The following PPP4R2 variants were observed in gnomAD, a reference collection of about 807,000 sequenced individuals.
PPP4R2 encodes the protein protein phosphatase 4 regulatory subunit 2.
A neutral mutation model predicts 47.2 loss-of-function variants in PPP4R2; 13 were observed. The ratio of observed to expected loss-of-function variants is 0.28; its 90% CI spans 0.18 to 0.44. The LOEUF is 0.44. Ranked by LOEUF, PPP4R2 falls within the 20% of genes least tolerant of loss-of-function variation. PPP4R2 has a pLI of 1.00. For missense variants in PPP4R2, 421 were observed against 491.2 expected (o/e 0.86, Z 1.35); for synonymous variants, 151 against 163.3 (o/e 0.92, Z 0.57).
At chr3:73,022,935 T>C (rs1458621100) in intron 2 of PPP4R2, among the ~76,000 whole-genome samples, 4 of 152,078 alleles carry the variant, frequency 2.6e-5, no homozygotes, top group African/African-American at 9.7e-5. Context: ...TCAGTGTAAA[T>C]AGGCTGATTT....
In PPP4R2 at chr3:73,062,895, A is replaced by C. The variant is rs748111324; in HGVS notation, c.420-778A>C. 104 of 1,611,160 alleles carry C rather than the reference A, an allele frequency of 6.5e-5. 1 individual carries two copies. In the South Asian group the frequency reaches 8.3e-4, roughly 13 times the overall value. On this transcript the variant is annotated intron_variant, in intron 5 of 8. Transcript: ENST00000356692. ...CCCTCTACACAAGCTACGCAAGTCAAGTTAGTTGCCAAGAAAGCACAGATG... is the reference window on the plus strand; with the variant it reads ...CCCTCTACACAAGCTACGCAAGTCACGTTAGTTGCCAAGAAAGCACAGATG...
chr3:73,035,571 G>T, intron 2 of PPP4R2, among the ~76,000 whole-genome samples: 1 of 152,128 alleles, frequency 6.6e-6, no homozygotes, highest in East Asian at 1.9e-4. Flanking sequence ...CCCCACTGCT[G>T]GATAAATGTC....
At chr3:73,052,065 A>G (rs1702625228) in intron 3 of PPP4R2, among the ~76,000 whole-genome samples, 1 of 152,190 alleles carries the variant, frequency 6.6e-6, no homozygotes, top group South Asian at 2.1e-4. Flanking sequence ...TGAATATAGT[A>G]GGTTCTTAAA....
intron 1 of PPP4R2, chr3:72,997,392 CTT>C (rs1489726535): frequency 7.5e-6 from 2 of 267,234 alleles, no homozygotes; most frequent in African/African-American, 4.4e-5. Flanking sequence ...CAGATATCCT[CTT>C]TTCTCCACCA....
chr3:73,012,751 A>G (rs939948899), intron 2 of PPP4R2, among the ~76,000 whole-genome samples: 2 of 152,176 alleles, frequency 1.3e-5, no homozygotes, highest in Non-Finnish European at 2.9e-5. Context: ...ACTGTTGTCT[A>G]TGGTGATTTC....
At position 73,016,729 on chromosome 3, in the gene PPP4R2, G is replaced by GT. The variant is rs752008242; in HGVS notation, c.116+18574dup. Among the ~76,000 whole-genome samples the GT allele has an allele frequency of 1.3e-4, 9 of 69,814 alleles. 4 individuals are homozygous for GT. Among genetic ancestry groups the GT allele is most frequent in the African/African-American group, 2.7e-4 (4 of 14,736 alleles). 45.8% of individuals were successfully genotyped at this position (69,814 alleles called of 152,430 possible). A position where few individuals can be genotyped will look rare whatever the true frequency, so the allele number is the denominator to read the frequency against. On this transcript the variant is annotated intron_variant, in intron 2 of 8. Coordinates refer to ENST00000356692, the MANE Select transcript of PPP4R2 (RefSeq NM_174907.4). ...TGTTAACTAGCTTTATTGGTTCATT[G>GT]TTTATTTTTATTATTTTTTTTTTTT...
chr3:73,057,333 G>A (rs761655786), intron 3 of PPP4R2, among the ~76,000 whole-genome samples: 3 of 152,064 alleles, frequency 2.0e-5, no homozygotes, highest in Non-Finnish European at 4.4e-5. Context: ...ACTTAGTAAC[G>A]CTGTTGGTGT....
At position 72,996,838 on chromosome 3, in the gene PPP4R2, G is replaced by T; in HGVS notation, c.-200G>T. On this transcript the variant is annotated 5_prime_UTR_variant, in exon 1 of 9. It removes the in-frame stop codon of an upstream open reading frame in the 5' UTR. Transcript: ENST00000356692. ...GCGCCATGTTGGAGGGTTGGTGGTA[G>T]CGGCTTGGGGAGGTGCTCGCTCTGT... The T allele has an allele frequency of 5.0e-6, 2 of 397,072 alleles. No individual in the cohort carries two copies. Among genetic ancestry groups the T allele is most frequent in the Non-Finnish European group, 9.0e-6 (2 of 223,218 alleles). 24.6% of individuals were successfully genotyped at this position (397,072 alleles called of 1,614,324 possible). A position where few individuals can be genotyped will look rare whatever the true frequency, so the allele number is the denominator to read the frequency against.
chr3:73,042,097 TAA>T (rs1434266467), intron 2 of PPP4R2, among the ~76,000 whole-genome samples: 2 of 152,208 alleles, frequency 1.3e-5, no homozygotes, highest in African/African-American at 4.8e-5. Context: ...ATTATTGAGT[TAA>T]TTTCAGTAAA....
chr3:73,027,258 C>T (rs916516213), intron 2 of PPP4R2, among the ~76,000 whole-genome samples: 1 of 152,200 alleles, frequency 6.6e-6, no homozygotes, highest in South Asian at 2.1e-4. Flanking sequence ...TCCCAAGTAG[C>T]TGGGACTACA....
intron 2 of PPP4R2, among the ~76,000 whole-genome samples, chr3:73,011,764 C>T (rs990098681): frequency 1.4e-5 from 2 of 147,810 alleles, no homozygotes; most frequent in Non-Finnish European, 3.0e-5. Context: ...GGTGATGAGA[C>T]TGATACGTGT....
chr3:73,027,064 C>T (rs1339384137), intron 2 of PPP4R2, among the ~76,000 whole-genome samples: 5 of 152,184 alleles, frequency 3.3e-5, no homozygotes, highest in African/African-American at 1.2e-4. Context: ...CAGTACCTGG[C>T]ATTTGTGATT....
chr3:73,010,350 C>T (rs1033120824), intron 2 of PPP4R2, among the ~76,000 whole-genome samples: 7 of 151,784 alleles, frequency 4.6e-5, no homozygotes, highest in African/African-American at 7.3e-5. Context: ...AGCCCCCGCC[C>T]GCAGTAGCTG....
rs773449704 is a variant in PPP4R2 at position 72,998,072 on chromosome 3, T to C, written c.35-5T>C. The C allele has an allele frequency of 1.3e-6, 2 of 1,596,534 alleles. No homozygotes were observed. Among genetic ancestry groups the C allele is most frequent in the Non-Finnish European group, 1.7e-6 (2 of 1,170,002 alleles). On this transcript the variant is annotated splice_region_variant and splice_polypyrimidine_tract_variant and intron_variant, in intron 1 of 8. Coordinates refer to ENST00000356692, the MANE Select transcript of PPP4R2 (RefSeq NM_174907.4). ...GATAACGTTTTTTTTTCTTCCTTCA[T>C]CTAGATTTTGAGAAGAGGGGGAAAA...
At position 73,048,821 on chromosome 3, in the gene PPP4R2, A is replaced by G. The variant is rs541640391; in HGVS notation, c.287+1465A>G. On this transcript the variant is annotated intron_variant, in intron 3 of 8. Coordinates refer to ENST00000356692, the MANE Select transcript of PPP4R2 (RefSeq NM_174907.4). ...GAAATAAGATAGTGTAATCCAGTTA[A>G]CGGTTTGCTTTATATCATATTCCAC... is the stretch of plus-strand genomic sequence containing the variant. 2.6e-5 allele frequency among the ~76,000 whole-genome samples: 4 copies of G among 152,284 alleles called. No individual in the cohort carries two copies. In the South Asian group the frequency reaches 8.3e-4, roughly 32 times the overall value.
intron 2 of PPP4R2, among the ~76,000 whole-genome samples, chr3:73,034,161 C>T (rs984957925): frequency 6.6e-6 from 1 of 152,086 alleles, no homozygotes; most frequent in African/African-American, 2.4e-5. Flanking sequence ...TCTTTTTAAA[C>T]TGGTCATTTA....
intron 2 of PPP4R2, among the ~76,000 whole-genome samples, chr3:73,012,802 A>T (rs763485388): frequency 2.0e-5 from 3 of 151,786 alleles, no homozygotes; most frequent in African/African-American, 7.3e-5. Flanking sequence ...TGTTTCAAAG[A>T]GATTTGTTAA....
intron 2 of PPP4R2, among the ~76,000 whole-genome samples, chr3:73,044,909 G>A (rs1442039122): frequency 6.6e-6 from 1 of 152,092 alleles, no homozygotes; most frequent in African/African-American, 2.4e-5. Flanking sequence ...TTGACTTTCT[G>A]CTCTGTTGAT....
intron 2 of PPP4R2, among the ~76,000 whole-genome samples, chr3:73,038,231 G>A (rs577699962): frequency 3.3e-5 from 5 of 152,282 alleles, no homozygotes; most frequent in African/African-American, 9.6e-5. Flanking sequence ...GCTAGTACAA[G>A]TTAAAAAACT....
Sources: gnomAD v4.1 joint callset for allele counts (sites outside exome capture counted in the v4.1 genomes callset) on GRCh38, gnomAD v4.1.1 for gene constraint, MANE v1.5 for transcripts, NCBI Gene and HGNC (gene_info 2026-07-23, HGNC 2026-07-21) for gene names.